STXBP4: variants seen among roughly 807,000 people sequenced by gnomAD.
The protein encoded by STXBP4 is syntaxin binding protein 4, also known as syntaxin-binding protein 4.
Under a neutral mutation model 76.1 loss-of-function variants are expected in STXBP4, and 55 were observed. That is an observed-to-expected ratio of 0.72 (90% CI 0.58 to 0.91). The LOEUF (loss-of-function observed/expected upper bound fraction) is 0.91. Among genes scored for constraint, STXBP4 ranks in the 40% least tolerant of loss-of-function variants. The pLI, the probability that STXBP4 is intolerant of heterozygous loss-of-function variation, is 0.00. For missense variants in STXBP4, 618 were observed against 636.9 expected (o/e 0.97, Z 0.32); for synonymous variants, 201 against 220.2 (o/e 0.91, Z 0.77).
chr17:54,979,017 C>T (rs1166954860), intron 1 of STXBP4, among the ~76,000 whole-genome samples: 1 of 152,026 alleles, frequency 6.6e-6, no homozygotes, highest in Non-Finnish European at 1.5e-5. Context: ...TTTATAATTA[C>T]TAACTATTCT....
intron 13 of STXBP4, among the ~76,000 whole-genome samples, chr17:55,077,109 T>G (rs1051844159): frequency 6.6e-6 from 1 of 152,206 alleles, no homozygotes; most frequent in African/African-American, 2.4e-5. Context: ...CTTAAATATC[T>G]GCTGTCTTTA....
At chr17:55,173,726 T>C (rs2080418193), downstream of STXBP4, 1 of 152,236 alleles carries the variant, frequency 6.6e-6, no homozygotes, top group African/African-American at 2.4e-5. Context: ...ATGTTTTCTA[T>C]TGTTGCCCTT....
chr17:55,011,484 G>T (rs1227518628), intron 8 of STXBP4, among the ~76,000 whole-genome samples: 1 of 136,048 alleles, frequency 7.4e-6, no homozygotes, highest in Non-Finnish European at 1.6e-5. Context: ...AGTATTGTGG[G>T]ATCAAAGAGT....
chr17:55,115,353 A>G (rs770544516), intron 16 of STXBP4, among the ~76,000 whole-genome samples: 6 of 151,888 alleles, frequency 4.0e-5, no homozygotes, highest in Non-Finnish European at 8.9e-5. Context: ...ATATATCAGT[A>G]TAGAATATGG....
At position 55,170,516 on chromosome 17, in the gene STXBP4, T is replaced by C. The variant is rs1187701533; in HGVS notation, c.*10605T>C. 6.6e-6 allele frequency: 1 copy of C among 152,230 alleles called. No individual in the cohort carries two copies. Among genetic ancestry groups the C allele is most frequent in the Non-Finnish European group, 1.5e-5 (1 of 68,030 alleles). The allele number at this position is 152,230 out of a possible 1,614,324, so 9.4% of individuals were successfully genotyped here. On this transcript the variant is annotated 3_prime_UTR_variant, in exon 18 of 18. Coordinates refer to ENST00000376352, the MANE Select transcript of STXBP4 (RefSeq NM_178509.6). ...TGCATACTACTCTACAGTGAGCCTG[T>C]CCTTTATAAGAAAAAATGCTAATGA...
intron 1 of STXBP4, among the ~76,000 whole-genome samples, chr17:54,969,633 G>T (rs2077357205): frequency 6.6e-6 from 1 of 152,170 alleles, no homozygotes; most frequent in Non-Finnish European, 1.5e-5. Context: ...TAAAAGTTAG[G>T]CTGTATTTCT....
At chr17:55,201,886 C>T in the STXBP4 span, among the ~76,000 whole-genome samples, 1 of 152,186 alleles carries the variant, frequency 6.6e-6, no homozygotes, top group Non-Finnish European at 1.5e-5. Flanking sequence ...CAAATTTAAT[C>T]TGAAACATAC....
intron 8 of STXBP4, among the ~76,000 whole-genome samples, chr17:55,027,255 G>T (rs1230099018): frequency 6.6e-6 from 1 of 152,138 alleles, no homozygotes; most frequent in African/African-American, 2.4e-5. Context: ...AGCTCCCCCT[G>T]ACTTTGCCCC....
intron 4 of STXBP4, among the ~76,000 whole-genome samples, chr17:54,995,190 C>G (rs1034143387): frequency 6.6e-6 from 1 of 152,092 alleles, no homozygotes; most frequent in Non-Finnish European, 1.5e-5. Flanking sequence ...TGAACGGTCC[C>G]GTAGTCATTT....
intron 12 of STXBP4, among the ~76,000 whole-genome samples, chr17:55,068,186 G>T (rs1173749277): frequency 6.6e-6 from 1 of 152,024 alleles, no homozygotes; most frequent in African/African-American, 2.4e-5. Flanking sequence ...TTCACAAGCT[G>T]TAATAGTACC....
At chr17:55,116,360 A>G (rs11869357) in intron 16 of STXBP4, among the ~76,000 whole-genome samples, 36,788 of 151,698 alleles carry the variant, frequency 0.24, 4,947 homozygotes, top group South Asian at 0.32. Flanking sequence ...TCAGAAAACT[A>G]CAAAGGCAAG....
chr17:55,005,287 T>C lies in STXBP4; in HGVS notation c.575-2219T>C, dbSNP rs956770307. Among the ~76,000 whole-genome samples, 10 of 152,302 alleles carry C rather than the reference T, an allele frequency of 6.6e-5. No homozygotes were observed. In the East Asian group the frequency reaches 1.9e-3, roughly 29 times the overall value. On this transcript the variant is annotated intron_variant, in intron 7 of 17. Coordinates refer to ENST00000376352, the MANE Select transcript of STXBP4 (RefSeq NM_178509.6). ...AAGATGTTGAACACACTTAAGAACA[T>C]TGGTCTGGAGTCACAAGAGATTAGA...
chr17:55,043,558 T>C (rs2078738983), intron 11 of STXBP4: 1 of 1,447,996 alleles, frequency 6.9e-7, no homozygotes, highest in Non-Finnish European at 9.4e-7. Flanking sequence ...CAATGGTTTT[T>C]GCTCATGTCT....
rs1315153614 is a variant in STXBP4, at chr17:55,164,536, C to T, written c.*4625C>T. On this transcript the variant is annotated 3_prime_UTR_variant, in exon 18 of 18. Transcript: ENST00000376352. ...CGCAATCTCGGCTCACTGCAAGCTC[C>T]GCTTCCCGGGTTCACGCCATTCTCC... 5.5e-5 allele frequency: 8 copies of T among 144,680 alleles called. No individual in the cohort carries two copies. The highest frequency in any genetic ancestry group is 2.0e-4 in the East Asian group (1 of 4,970). 9.0% of individuals were successfully genotyped at this position (144,680 alleles called of 1,614,324 possible). A position where few individuals can be genotyped will look rare whatever the true frequency, so the allele number is the denominator to read the frequency against.
chr17:55,023,239 C>T (rs1017212298), intron 8 of STXBP4, among the ~76,000 whole-genome samples: 22 of 152,260 alleles, frequency 1.4e-4, no homozygotes, highest in African/African-American at 5.1e-4. Flanking sequence ...ATTGTATAAT[C>T]CAGGAAATCC....
intron 17 of STXBP4, among the ~76,000 whole-genome samples, chr17:55,147,224 A>T (rs558153052): frequency 6.6e-6 from 1 of 152,266 alleles, no homozygotes; most frequent in African/African-American, 2.4e-5. Context: ...TTTTTCATGG[A>T]CCAGGGGGTA....
chr17:55,107,238 A>G (rs948879684), intron 16 of STXBP4, among the ~76,000 whole-genome samples: 1 of 152,080 alleles, frequency 6.6e-6, no homozygotes, highest in Non-Finnish European at 1.5e-5. Flanking sequence ...GGCTATCGAT[A>G]CTCATGTATG....
At chr17:55,159,661 T>C in intron 17 of STXBP4, 136 bp from the exon 18 acceptor site, 1 of 543,090 alleles carries the variant, frequency 1.8e-6, no homozygotes, top group East Asian at 3.1e-5. Flanking sequence ...TTATTAAAGC[T>C]ATTGGATCTA....
chr17:55,127,474 G>A (rs1328232469), intron 16 of STXBP4, among the ~76,000 whole-genome samples: 1 of 152,246 alleles, frequency 6.6e-6, no homozygotes, highest in Non-Finnish European at 1.5e-5. Flanking sequence ...AACATGGATT[G>A]ACATATGTTA....
Sources: gnomAD v4.1 joint callset for allele counts (sites outside exome capture counted in the v4.1 genomes callset) on GRCh38, gnomAD v4.1.1 for gene constraint, MANE v1.5 for transcripts, NCBI Gene and HGNC (gene_info 2026-07-23, HGNC 2026-07-21) for gene names.